SDK1: variants seen among roughly 807,000 people sequenced by gnomAD.
The protein encoded by SDK1 is sidekick cell adhesion molecule 1.
In SDK1, 157 loss-of-function variants were observed where a neutral mutation model predicts 245.5. The ratio of observed to expected loss-of-function variants is 0.64; its 90% CI spans 0.56 to 0.73. The LOEUF (loss-of-function observed/expected upper bound fraction) is 0.73. Ranked by LOEUF, SDK1 falls within the 30% of genes least tolerant of loss-of-function variation. SDK1 has a pLI of 0.00. For missense variants in SDK1, 3,583 were observed against 3,002.3 expected (o/e 1.19, Z -4.52); for synonymous variants, 1,647 against 1,278.5 (o/e 1.29, Z -6.15).
intron 9 of SDK1, among the ~76,000 whole-genome samples, chr7:3,964,887 C>T (rs1781978191): frequency 6.6e-6 from 1 of 152,084 alleles, no homozygotes; most frequent in African/African-American, 2.4e-5. Context: ...ATCTTGCCCT[C>T]GGGTCAAATT....
chr7:3,860,132 G>C (rs894119365), intron 5 of SDK1, among the ~76,000 whole-genome samples: 1 of 152,024 alleles, frequency 6.6e-6, no homozygotes, highest in Admixed American at 6.6e-5. Flanking sequence ...AAGTTAGCCA[G>C]GATGGTCTCA....
intron 1 of SDK1, among the ~76,000 whole-genome samples, chr7:3,341,005 A>G (rs1264794132): frequency 6.6e-6 from 1 of 152,142 alleles, no homozygotes; most frequent in African/African-American, 2.4e-5. Flanking sequence ...AACAGGAGAG[A>G]AGACCTACAA....
intron 7 of SDK1, among the ~76,000 whole-genome samples, chr7:3,955,572 G>C (rs1481523501): frequency 6.6e-6 from 1 of 152,204 alleles, no homozygotes; most frequent in African/African-American, 2.4e-5. Context: ...GTGGACTAGC[G>C]TGCAGTGCAG....
intron 1 of SDK1, among the ~76,000 whole-genome samples, chr7:3,485,132 C>A (rs564561277): frequency 6.6e-6 from 1 of 152,246 alleles, no homozygotes; most frequent in Admixed American, 6.5e-5. Context: ...ACCGTATGAA[C>A]ATTCTTTTTC....
At chr7:3,337,646 A>T (rs1309723576) in intron 1 of SDK1, among the ~76,000 whole-genome samples, 2 of 152,220 alleles carry the variant, frequency 1.3e-5, no homozygotes, top group African/African-American at 4.8e-5. Flanking sequence ...AAGTAGCTGG[A>T]GTTTAACAAT....
chr7:4,253,419 T>A (rs745371025), intron 44 of SDK1, among the ~76,000 whole-genome samples: 6 of 152,210 alleles, frequency 3.9e-5, no homozygotes, highest in Non-Finnish European at 8.8e-5. Context: ...GTTTTACATT[T>A]CCTCATATTT....
chr7:3,971,705 G>T (rs1782501674), intron 12 of SDK1, 137 bp downstream of exon 12: 3 of 676,710 alleles, frequency 4.4e-6, no homozygotes, highest in Non-Finnish European at 5.3e-6. Flanking sequence ...TCTTCTGGTT[G>T]TGGGCACCGT....
intron 14 of SDK1, among the ~76,000 whole-genome samples, chr7:3,987,615 G>T (rs935236533): frequency 1.3e-5 from 2 of 152,120 alleles, no homozygotes; most frequent in African/African-American, 4.8e-5. Context: ...CTCCCAGGGC[G>T]AGCTGGAAAT....
chr7:3,582,217 CAGGT>C (rs927141190), intron 1 of SDK1, among the ~76,000 whole-genome samples: 2 of 151,670 alleles, frequency 1.3e-5, no homozygotes, highest in African/African-American at 2.4e-5. Flanking sequence ...AGGTCTCCCT[CAGGT>C]AGGTCTGTCT....
At chr7:4,014,394 A>C (rs1786229246) in intron 16 of SDK1, among the ~76,000 whole-genome samples, 1 of 152,224 alleles carries the variant, frequency 6.6e-6, no homozygotes, top group Non-Finnish European at 1.5e-5. Flanking sequence ...AGAAAGCTCC[A>C]AGATGAGGGT....
At chr7:4,242,663 T>G (rs1393515027) in intron 43 of SDK1, among the ~76,000 whole-genome samples, 2 of 152,160 alleles carry the variant, frequency 1.3e-5, no homozygotes, top group Non-Finnish European at 2.9e-5. Flanking sequence ...TGCCCCAGCA[T>G]CGGGGTGGAG....
chr7:4,139,859 C>G (rs1562873282), intron 28 of SDK1, among the ~76,000 whole-genome samples: 1 of 151,390 alleles, frequency 6.6e-6, no homozygotes, highest in Non-Finnish European at 1.5e-5. Flanking sequence ...TCTGGGCTGT[C>G]TTGGAGCTGG....
chr7:3,657,680 G>T (rs1327670147), intron 4 of SDK1, among the ~76,000 whole-genome samples: 2 of 152,196 alleles, frequency 1.3e-5, no homozygotes, highest in East Asian at 3.9e-4. Context: ...CCATCCTCAG[G>T]AGGGGGACAT....
Position 3,307,472 on chromosome 7 carries a change from T to G in SDK1, c.298+5588T>G, listed in dbSNP as rs1030485298. Among the ~76,000 whole-genome samples the G allele has an allele frequency of 2.6e-5, 4 of 152,214 alleles. No individual in the cohort carries two copies. In the East Asian group the frequency reaches 7.7e-4, roughly 29 times the overall value. On this transcript the variant is annotated intron_variant, in intron 1 of 44. Transcript: ENST00000404826. ...CTGGAGAGGTTACTACTCTTAGAGCTTCATTATGTGAACAGTGTTGCCACT... is the reference window on the plus strand; with the variant it reads ...CTGGAGAGGTTACTACTCTTAGAGCGTCATTATGTGAACAGTGTTGCCACT...
chr7:3,653,066 G>A (rs138891225), intron 4 of SDK1, among the ~76,000 whole-genome samples: 2 of 152,324 alleles, frequency 1.3e-5, no homozygotes, highest in African/African-American at 2.4e-5. Context: ...CACTTGGAAG[G>A]AATCTGGTGA....
At chr7:3,931,181 C>T (rs1472476438) in intron 5 of SDK1, among the ~76,000 whole-genome samples, 3 of 152,124 alleles carry the variant, frequency 2.0e-5, no homozygotes, top group Admixed American at 2.0e-4. Context: ...GCAGATCAAC[C>T]CATTTTAATT....
At chr7:4,078,164 G>C (rs1053851812) in intron 21 of SDK1, among the ~76,000 whole-genome samples, 1 of 152,188 alleles carries the variant, frequency 6.6e-6, no homozygotes, top group Non-Finnish European at 1.5e-5. Flanking sequence ...GTGCAGGGAG[G>C]CACTGGAGTT....
chr7:3,982,521 A>G (rs1171806567), intron 13 of SDK1, among the ~76,000 whole-genome samples: 1 of 152,218 alleles, frequency 6.6e-6, no homozygotes, highest in African/African-American at 2.4e-5. Context: ...CCTTCTGGAA[A>G]GGATTCACCA....
chr7:4,254,814 C>T (rs1003461534), intron 44 of SDK1, among the ~76,000 whole-genome samples: 3 of 152,132 alleles, frequency 2.0e-5, no homozygotes, highest in African/African-American at 2.4e-5. Flanking sequence ...ATTTCCCCTG[C>T]ACTGTGTGTG....
Sources: gnomAD v4.1 joint callset for allele counts (sites outside exome capture counted in the v4.1 genomes callset) on GRCh38, gnomAD v4.1.1 for gene constraint, MANE v1.5 for transcripts, NCBI Gene and HGNC (gene_info 2026-07-23, HGNC 2026-07-21) for gene names.